Variants in RASSF3 observed in about 807,000 individuals in gnomAD.
The protein encoded by RASSF3 is Ras association domain family member 3, also known as ras association domain-containing protein 3.
RASSF3 carries 19 observed loss-of-function variants against 19.9 expected under a neutral mutation model. The ratio of observed to expected loss-of-function variants is 0.96; its 90% CI spans 0.67 to 1.40. The LOEUF is 1.40. Among genes scored for constraint, RASSF3 ranks in the 40% most tolerant of loss-of-function variants. RASSF3 has a pLI of 0.00. For missense variants in RASSF3, 306 were observed against 289.8 expected (o/e 1.06, Z -0.41); for synonymous variants, 110 against 104.2 (o/e 1.06, Z -0.34).
At chr12:64,552,016 T>C (rs1418977356) in intron 2 of RASSF3, among the ~76,000 whole-genome samples, 2 of 152,210 alleles carry the variant, frequency 1.3e-5, no homozygotes, top group African/African-American at 4.8e-5. Flanking sequence ...CTGGGGTTTG[T>C]TGGTCCAAGA....
chr12:64,515,015 CATTTTATTT>C (rs150957942), intron 1 of RASSF3, among the ~76,000 whole-genome samples: 20,868 of 151,080 alleles, frequency 0.14, 1,878 homozygotes, highest in East Asian at 0.35. Context: ...TATAATAAAA[CATTTTATTT>C]ATTTTATTTA....
Position 64,688,432 on chromosome 12 carries a change from C to T in RASSF3, c.436C>T (p.Arg146Cys), listed in dbSNP as rs752681052. ...ESPAKFALYK[R>C]CHREDQVYAC... ...CCCTGCCAAGTTTGCACTTTATAAGCGTTGTCACAGGGAAGACCAAGGTAC... is the reference window on the plus strand; with the variant it reads ...CCCTGCCAAGTTTGCACTTTATAAGTGTTGTCACAGGGAAGACCAAGGTAC... The change falls in exon 3 of 5, where the codon CGT becomes TGT. Residue 146 changes from arginine to cysteine, a missense_variant. Coordinates refer to ENST00000542104, the MANE Select transcript of RASSF3 (RefSeq NM_178169.4). 8.7e-6 allele frequency: 14 copies of T among 1,613,744 alleles called. No homozygotes were observed. Among genetic ancestry groups the T allele is most frequent in the Admixed American group, 5.0e-5 (3 of 60,016 alleles).
At chr12:64,643,734 A>C (rs1240174730) in intron 1 of RASSF3, among the ~76,000 whole-genome samples, 2 of 152,150 alleles carry the variant, frequency 1.3e-5, no homozygotes, top group Non-Finnish European at 2.9e-5. Flanking sequence ...ATAACTGAAA[A>C]AAATGTTTTG....
upstream of RASSF3, among the ~76,000 whole-genome samples, chr12:64,607,118 C>A (rs542542741): frequency 6.6e-6 from 1 of 150,680 alleles, no homozygotes; most frequent in Non-Finnish European, 1.5e-5. Flanking sequence ...CTTGTCTCTA[C>A]AAAAAAAATA....
intron 1 of RASSF3, among the ~76,000 whole-genome samples, chr12:64,626,682 C>T (rs1200418322): frequency 6.6e-6 from 1 of 152,074 alleles, no homozygotes; most frequent in East Asian, 1.9e-4. Context: ...CCACCTCAAC[C>T]TCCTGAGTAG....
At position 64,693,638 on chromosome 12, in the gene RASSF3, CGAACTTCTGGTCTT is replaced by C. The variant is rs550521182; in HGVS notation, c.568-1114_568-1101del. 3.9e-3 allele frequency among the ~76,000 whole-genome samples: 589 copies of C among 152,224 alleles called. 3 individuals carry two copies. Among genetic ancestry groups the C allele is most frequent in the African/African-American group, 0.014 (570 of 41,552 alleles). On this transcript the variant is annotated intron_variant, in intron 4 of 4. Coordinates refer to ENST00000542104, the MANE Select transcript of RASSF3 (RefSeq NM_178169.4). ...GTCACTATTTTGCCCAGGCTGGTCT[CGAACTTCTGGTCTT>C]GAACTTCTGGGCTCAAATGATCCTC...
chr12:64,561,849 CG>C (rs1869352809), intron 2 of RASSF3, among the ~76,000 whole-genome samples: 1 of 151,420 alleles, frequency 6.6e-6, no homozygotes, highest in African/African-American at 2.4e-5. Context: ...AGCCCAACCA[CG>C]CCTGGCTAAT....
intron 1 of RASSF3, among the ~76,000 whole-genome samples, chr12:64,619,374 G>A (rs1870665234): frequency 1.3e-5 from 2 of 151,914 alleles, no homozygotes; most frequent in Non-Finnish European, 1.5e-5. Flanking sequence ...TGACCTAATG[G>A]CATTCTCGGT....
chr12:64,650,506 C>T (rs959058102), intron 1 of RASSF3, among the ~76,000 whole-genome samples: 3 of 149,498 alleles, frequency 2.0e-5, no homozygotes, highest in African/African-American at 7.5e-5. Flanking sequence ...ACCTCTGCCT[C>T]CCAGGTTCAC....
At chr12:64,514,299 G>A (rs1444618249) in intron 1 of RASSF3, among the ~76,000 whole-genome samples, 6 of 145,454 alleles carry the variant, frequency 4.1e-5, no homozygotes, top group African/African-American at 1.6e-4. Flanking sequence ...CGATTCTCCT[G>A]CCTTAGCCTC....
intron 2 of RASSF3, among the ~76,000 whole-genome samples, chr12:64,553,990 AAAAG>A (rs1203945910): frequency 1.9e-4 from 29 of 151,702 alleles, no homozygotes; most frequent in African/African-American, 7.0e-4. Flanking sequence ...AAAAAAAAAA[AAAAG>A]AAAGAAAAAA....
chr12:64,679,965 C>A (rs1213387526), intron 1 of RASSF3, among the ~76,000 whole-genome samples: 1 of 152,148 alleles, frequency 6.6e-6, no homozygotes, highest in African/African-American at 2.4e-5. Context: ...CAATGAAAGA[C>A]CAGGGTTGAC....
chr12:64,671,882 C>CT lies in RASSF3; in HGVS notation c.112-12901dup, dbSNP rs1452453333. Among the ~76,000 whole-genome samples, 3 of 152,280 alleles carry CT rather than the reference C, an allele frequency of 2.0e-5. No homozygotes were observed. In the East Asian group the frequency reaches 5.8e-4, roughly 29 times the overall value. Reference sequence around the variant, plus strand: ...TGTACACTTGGGATTTCAGCCATGCCTTTTAAGGGCTGTGAACAGACTTAT... The same window carrying CT: ...TGTACACTTGGGATTTCAGCCATGCCTTTTTAAGGGCTGTGAACAGACTTAT... On this transcript the variant is annotated intron_variant, in intron 1 of 4. Coordinates refer to ENST00000542104, the MANE Select transcript of RASSF3 (RefSeq NM_178169.4).
intron 1 of RASSF3, among the ~76,000 whole-genome samples, chr12:64,634,762 TAAAAAAAAAA>T (rs57235286): frequency 1.1e-5 from 1 of 90,988 alleles, no homozygotes. Flanking sequence ...CACCATCTCA[TAAAAAAAAAA>T]AAAAAAAAAA....
At chr12:64,654,550 A>G (rs1462927461) in intron 1 of RASSF3, among the ~76,000 whole-genome samples, 1 of 147,388 alleles carries the variant, frequency 6.8e-6, no homozygotes, top group Non-Finnish European at 1.5e-5. Flanking sequence ...TCTGCCTGCA[A>G]TCTCAGCATT....
intron 2 of RASSF3, among the ~76,000 whole-genome samples, chr12:64,573,953 G>A (rs1268064276): frequency 6.6e-6 from 1 of 152,068 alleles, no homozygotes; most frequent in Non-Finnish European, 1.5e-5. Context: ...ATCAATCTAT[G>A]TAATGTGTCA....
At chr12:64,645,162 G>GTGGA (rs1384077008) in intron 1 of RASSF3, among the ~76,000 whole-genome samples, 1 of 152,194 alleles carries the variant, frequency 6.6e-6, no homozygotes, top group Non-Finnish European at 1.5e-5. Context: ...TTTTTGTGGA[G>GTGGA]TGGATCAAAA....
chr12:64,652,410 C>T (rs1035998212), intron 1 of RASSF3, among the ~76,000 whole-genome samples: 3 of 140,874 alleles, frequency 2.1e-5, no homozygotes, highest in East Asian at 2.4e-4. Context: ...TTCTCCCCCT[C>T]CCCCTCCCCC....
chr12:64,529,261 A>AGTAAAACTGAGC (rs1868655317), upstream of RASSF3, among the ~76,000 whole-genome samples: 1 of 152,244 alleles, frequency 6.6e-6, no homozygotes, highest in Non-Finnish European at 1.5e-5. Context: ...GTCTTCAGGA[A>AGTAAAACTGAGC]GTAAAACTGA....
Sources: allele counts gnomAD v4.1 joint callset (sites outside exome capture counted in the v4.1 genomes callset), GRCh38; gene constraint gnomAD v4.1.1; transcripts MANE v1.5; gene names NCBI Gene and HGNC (gene_info 2026-07-23, HGNC 2026-07-21).